Variants in SLC9A5 observed in about 807,000 individuals in gnomAD.
SLC9A5 encodes sodium/hydrogen exchanger 5.
SLC9A5 carries 52 observed loss-of-function variants against 91.7 expected under a neutral mutation model. That is an observed-to-expected ratio of 0.57 (90% CI 0.45 to 0.71). The LOEUF is 0.71. Ranked by LOEUF, SLC9A5 falls within the 30% of genes least tolerant of loss-of-function variation. The pLI is 0.00. For missense variants in SLC9A5, 871 were observed against 1,158.9 expected (o/e 0.75, Z 3.61); for synonymous variants, 419 against 474.5 (o/e 0.88, Z 1.52).
rs2035160655 is a variant in SLC9A5, at chr16:67,252,417, T to A, written c.188-125T>A. 1.2e-6 allele frequency: 1 copy of A among 847,260 alleles called. No individual in the cohort carries two copies. Among genetic ancestry groups the A allele is most frequent in the African/African-American group, 1.7e-5 (1 of 58,522 alleles). 52.5% of individuals were successfully genotyped at this position (847,260 alleles called of 1,614,324 possible). A position where few individuals can be genotyped will look rare whatever the true frequency, so the allele number is the denominator to read the frequency against. ...GTGAGCTGAGATTGTGCTACTGCACTCCAGCTTGGGCAACAGAGTGAGACT... is the reference window on the plus strand; with the variant it reads ...GTGAGCTGAGATTGTGCTACTGCACACCAGCTTGGGCAACAGAGTGAGACT... On this transcript the variant is annotated intron_variant, in intron 1 of 15. Transcript: ENST00000299798. This position sits in a 1 kb window ranked among gnomAD's most constrained non-coding sequence, Gnocchi z 4.0.
intron 2 of SLC9A5, among the ~76,000 whole-genome samples, chr16:67,253,154 C>T (rs900718257): frequency 4.6e-5 from 7 of 152,136 alleles, no homozygotes; most frequent in South Asian, 4.1e-4. Context: ...TTTGCCAGCC[C>T]GTCTCCCCTG....
In SLC9A5 at chr16:67,255,853, C is replaced by T. The variant is rs756905077; in HGVS notation, c.834C>T (p.Ile278=). ...GCTTCACCAAGCGGGTCCGCATCAT[C>T]GAGCCGCTGCTGGTCTTCCTCCTCG... ...TTRFTKRVRI[I]EPLLVFLLAY... is the part of the protein sequence containing the mutation. Residue 278 remains isoleucine (I), a synonymous_variant, in exon 5 of 16, where the codon ATC becomes ATT. Coordinates refer to ENST00000299798, the MANE Select transcript of SLC9A5 (RefSeq NM_004594.3). The surrounding 1 kb of genome is among the most constrained non-coding windows in gnomAD (Gnocchi z 4.9). The T allele has an allele frequency of 9.3e-6, 15 of 1,612,974 alleles. No individual in the cohort carries two copies. In the Admixed American group the frequency reaches 1.0e-4, roughly 11 times the overall value.
Position 67,256,401 on chromosome 16 carries a change from C to T in SLC9A5, c.912-68C>T. 1 of 1,128,538 alleles carries T rather than the reference C, an allele frequency of 8.9e-7. No homozygotes were observed. Among genetic ancestry groups the T allele is most frequent in the East Asian group, 2.3e-5 (1 of 42,692 alleles). 69.9% of individuals were successfully genotyped at this position (1,128,538 alleles called of 1,614,324 possible). ...GGGCAATGCCCCCTCCTGCAGTATG[C>T]TCAAACCCTGGAGGCTGAGCCCCCT... On this transcript the variant is annotated intron_variant, in intron 5 of 15. Coordinates refer to ENST00000299798, the MANE Select transcript of SLC9A5 (RefSeq NM_004594.3). The surrounding 1 kb of genome is among the most constrained non-coding windows in gnomAD (Gnocchi z 4.1).
chr16:67,256,931 G>T lies in SLC9A5; in HGVS notation c.1153G>T (p.Val385Leu). 6.2e-7 allele frequency: 1 copy of T among 1,613,970 alleles called. No individual in the cohort carries two copies. Among genetic ancestry groups the T allele is most frequent in the Non-Finnish European group, 8.5e-7 (1 of 1,180,024 alleles). ...TGTAGGCGTAGTCCTGCAGACCTGG[G>T]TGCTGAATCAGTTCCGGCTAGTCCC... Reference protein sequence around the residue: ...RALGVVLQTWVLNQFRLVPLD... With the variant: ...RALGVVLQTWLLNQFRLVPLD... The change falls in exon 7 of 16, where the codon GTG becomes TTG. Residue 385 changes from valine (V) to leucine (L), a missense_variant. Val to Leu is a conservative substitution (Grantham distance 32). Around this residue, in one of 3 missense-constraint regions of SLC9A5, gnomAD observed 454 missense variants for 718.3 expected, o/e 0.63. Transcript: ENST00000299798. The surrounding 1 kb of genome is among the most constrained non-coding windows in gnomAD (Gnocchi z 4.1).
rs1453572688 is a variant in SLC9A5 at position 67,271,504 on chromosome 16, C to T, written c.*294C>T. On this transcript the variant is annotated 3_prime_UTR_variant, in exon 16 of 16. Transcript: ENST00000299798. ...GGCCCAGAGACTTGGGTTGCTGGTC[C>T]CCCTTCCCTAGTGGGTTTTCCCGGG... 6 of 435,996 alleles carry T rather than the reference C, an allele frequency of 1.4e-5. No homozygotes were observed. The East Asian group carries it at 1.5e-4, about 11-fold the overall frequency. The allele number at this position is 435,996 out of a possible 1,614,324, so 27.0% of individuals were successfully genotyped here.
intron 12 of SLC9A5, among the ~76,000 whole-genome samples, 153 bp from the exon 13 acceptor site, chr16:67,264,199 G>A (rs2035623232): frequency 6.6e-6 from 1 of 152,204 alleles, no homozygotes; most frequent in African/African-American, 2.4e-5. Flanking sequence ...CTGGGTTCCT[G>A]TTGTATTTTT....
chr16:67,271,229 A>G lies in SLC9A5; in HGVS notation c.*19A>G. 5.0e-6 allele frequency: 8 copies of G among 1,595,430 alleles called. No individual in the cohort carries two copies. The highest frequency in any genetic ancestry group is 6.0e-6 in the Non-Finnish European group (7 of 1,171,530). The stretch of plus-strand genomic sequence containing the variant: ...GCTGTAGCTCAAGGCCTCGGGGAGG[A>G]GCAGGAGGTGGAATCCCTGTGGGAA... On this transcript the variant is annotated 3_prime_UTR_variant, in exon 16 of 16. Coordinates refer to ENST00000299798, the MANE Select transcript of SLC9A5 (RefSeq NM_004594.3).
rs1212157043 is a variant in SLC9A5, at chr16:67,268,657, AT to A, written c.2219-2079del. ...ATCAAACATCGTTCAAATTTCCCTG[AT>A]TATATATATATATATATATATATAT... is the stretch of plus-strand genomic sequence containing the variant. On this transcript the variant is annotated intron_variant, in intron 15 of 15. Coordinates refer to ENST00000299798, the MANE Select transcript of SLC9A5 (RefSeq NM_004594.3). Among the ~76,000 whole-genome samples, 9 of 47,754 alleles carry A rather than the reference AT, an allele frequency of 1.9e-4. 1 individual carries two copies. Among genetic ancestry groups the A allele is most frequent in the African/African-American group, 6.4e-4 (8 of 12,574 alleles). 31.3% of individuals were successfully genotyped at this position (47,754 alleles called of 152,430 possible).
chr16:67,270,237 G>C lies in SLC9A5; in HGVS notation c.2219-501G>C, dbSNP rs1449067843. Among the ~76,000 whole-genome samples, 2 of 152,168 alleles carry C rather than the reference G, an allele frequency of 1.3e-5. No homozygotes were observed. The highest frequency in any genetic ancestry group is 2.9e-5 in the Non-Finnish European group (2 of 68,030). On this transcript the variant is annotated intron_variant, in intron 15 of 15. Coordinates refer to ENST00000299798, the MANE Select transcript of SLC9A5 (RefSeq NM_004594.3). This position sits in a 1 kb window ranked among gnomAD's most constrained non-coding sequence, Gnocchi z 4.3. The stretch of plus-strand genomic sequence containing the variant: ...GTCTCACTCTTTCACCCAGGCTGGA[G>C]TGCAGTGGCGAGATCTCGGCTCATT...
In SLC9A5 at chr16:67,252,751, G is replaced by T. The variant is rs1252298637; in HGVS notation, c.397G>T (p.Gly133Cys). The T allele has an allele frequency of 6.2e-7, 1 of 1,614,132 alleles. No homozygotes were observed. The highest frequency in any genetic ancestry group is 1.1e-5 in the South Asian group (1 of 91,080). The part of the protein sequence containing the change: ...MPSRLFFDNL[G>C]AILTYAVVGT... Reference sequence around the variant, plus strand: ...TAGCAGGCTGTTCTTTGACAACTTGGGTGCCATCCTCACCTATGCCGTGGT... The same window carrying T: ...TAGCAGGCTGTTCTTTGACAACTTGTGTGCCATCCTCACCTATGCCGTGGT... The change falls in exon 2 of 16, where the codon GGT (glycine) becomes TGT (cysteine). Residue 133 changes from glycine (G) to cysteine (C), a missense_variant. This residue lies in a region of SLC9A5 where 454 missense variants were observed against 718.3 expected (regional missense o/e 0.63). Transcript: ENST00000299798. The surrounding 1 kb of genome is among the most constrained non-coding windows in gnomAD (Gnocchi z 4.0).
chr16:67,255,548 A>C lies in SLC9A5; in HGVS notation c.733+77A>C. 6.9e-7 allele frequency: 1 copy of C among 1,442,782 alleles called. No individual in the cohort carries two copies. Among genetic ancestry groups the C allele is most frequent in the Non-Finnish European group, 9.7e-7 (1 of 1,026,040 alleles). 89.4% of individuals were successfully genotyped at this position (1,442,782 alleles called of 1,614,324 possible). On this transcript the variant is annotated intron_variant, in intron 4 of 15. Transcript: ENST00000299798. This position sits in a 1 kb window ranked among gnomAD's most constrained non-coding sequence, Gnocchi z 4.9. ...TGCTGAGGCCCTCCCACCCCGCATC[A>C]GGACAGAAGAGGCTATTCGGGTTGC...
rs1485323105 is a variant in SLC9A5, at chr16:67,249,047, G to A, written c.33G>A (p.Leu11=). 94 of 1,503,484 alleles carry A rather than the reference G, an allele frequency of 6.3e-5. No homozygotes were observed. The highest frequency in any genetic ancestry group is 7.9e-5 in the Non-Finnish European group (90 of 1,132,714). 93.1% of individuals were successfully genotyped at this position (1,503,484 alleles called of 1,614,324 possible). Residue 11 remains leucine (L), a synonymous_variant, in exon 1 of 16, where the codon CTG becomes CTA. Coordinates refer to ENST00000299798, the MANE Select transcript of SLC9A5 (RefSeq NM_004594.3). MLRAALSLLA[L]PLAGAAEEPT... is the part of the protein sequence containing the mutation. ...GCGCCGCCCTGTCCCTGCTCGCGCT[G>A]CCCCTGGCGGGGGCGGCCGAAGAGC...
In SLC9A5 at chr16:67,257,116, G is replaced by A; in HGVS notation, c.1335+3G>A. 1 of 1,607,140 alleles carries A rather than the reference G, an allele frequency of 6.2e-7. No individual in the cohort carries two copies. Among genetic ancestry groups the A allele is most frequent in the Non-Finnish European group, 8.5e-7 (1 of 1,178,826 alleles). On this transcript the variant is annotated splice_donor_region_variant and intron_variant, in intron 7 of 15. Coordinates refer to ENST00000299798, the MANE Select transcript of SLC9A5 (RefSeq NM_004594.3). This position sits in a 1 kb window ranked among gnomAD's most constrained non-coding sequence, Gnocchi z 5.1. ...TCTTCTTCACAGTCATCGTGCAGGT[G>A]GGAGTGCCCACAAGGCTGGGTAGGG...
Position 67,257,169 on chromosome 16 carries a change from C to G in SLC9A5, c.1335+56C>G. ...AGGGTTGGGCAGGCCCTGGGGGAGT[C>G]TTGGAGCCTGTGGGACAGGGGCTTC... On this transcript the variant is annotated intron_variant, in intron 7 of 15. Transcript: ENST00000299798. This position sits in a 1 kb window ranked among gnomAD's most constrained non-coding sequence, Gnocchi z 5.1. 1 of 1,534,572 alleles carries G rather than the reference C, an allele frequency of 6.5e-7. No homozygotes were observed. The highest frequency in any genetic ancestry group is 2.3e-5 in the East Asian group (1 of 44,394).
intron 11 of SLC9A5, 59 bp from the exon 12 acceptor site, chr16:67,259,761 C>G: frequency 6.3e-7 from 1 of 1,596,256 alleles, no homozygotes; most frequent in Admixed American, 1.7e-5. Context: ...TTTCATCTGC[C>G]CTTCTCCTGG....
At chr16:67,259,361 CA>C (rs764650700) in intron 10 of SLC9A5, among the ~76,000 whole-genome samples, 1,433 of 43,382 alleles carry the variant, frequency 0.033, 7 homozygotes, top group African/African-American at 0.066. Context: ...GACTCTGTCT[CA>C]AAAAAAAAAA....
rs776319177 is a variant in SLC9A5 at position 67,271,221 on chromosome 16, CG to C, written c.*15del. The C allele has an allele frequency of 6.9e-6, 11 of 1,602,944 alleles. No homozygotes were observed. The highest frequency in any genetic ancestry group is 3.3e-4 in the Middle Eastern group (2 of 6,064). On this transcript the variant is annotated 3_prime_UTR_variant, in exon 16 of 16. Transcript: ENST00000299798. ...GGCAGCCGGCTGTAGCTCAAGGCCTCGGGGAGGAGCAGGAGGTGGAATCCCT... is the reference window on the plus strand; with the variant it reads ...GGCAGCCGGCTGTAGCTCAAGGCCTCGGGAGGAGCAGGAGGTGGAATCCCT...
chr16:67,268,711 T>TATA, intron 15 of SLC9A5, among the ~76,000 whole-genome samples: 1 of 97,550 alleles, frequency 1.0e-5, no homozygotes, highest in Non-Finnish European at 1.9e-5. Flanking sequence ...TATATATATA[T>TATA]TTTTACAGTA....
rs1235280268 is a variant in SLC9A5, at chr16:67,258,021, G to T, written c.1497-297G>T. 6.6e-6 allele frequency among the ~76,000 whole-genome samples: 1 copy of T among 152,208 alleles called. No individual in the cohort carries two copies. The highest frequency in any genetic ancestry group is 1.5e-5 in the Non-Finnish European group (1 of 68,048). On this transcript the variant is annotated intron_variant, in intron 9 of 15. Transcript: ENST00000299798. The surrounding 1 kb of genome is among the most constrained non-coding windows in gnomAD (Gnocchi z 4.5). ...CCATAGGCTTCAATTCCTTAGGGAG[G>T]ACTTCCCTGGCCTCCCTGGCTAGGA...
Sources: gnomAD v4.1 joint callset for allele counts (sites outside exome capture counted in the v4.1 genomes callset) on GRCh38, gnomAD v4.1.1 for gene constraint, gnomAD v4.1.1 regional missense constraint, Gnocchi (gnomAD v3.1) non-coding constraint, MANE v1.5 for transcripts, NCBI Gene and HGNC (gene_info 2026-07-23, HGNC 2026-07-21) for gene names.